ITGA4: variants seen among roughly 807,000 people sequenced by gnomAD.
ITGA4 encodes integrin alpha-4.
A neutral mutation model predicts 133.6 loss-of-function variants in ITGA4; 63 were observed. That is an observed-to-expected ratio of 0.47 (90% CI 0.38 to 0.58). The LOEUF is 0.58. ITGA4 is among the 20% of genes least tolerant of loss of function. The pLI, the probability that ITGA4 is intolerant of heterozygous loss-of-function variation, is 0.00. For synonymous variants in ITGA4, 483 were observed against 438.0 expected, an observed-to-expected ratio of 1.10 and a Z score of -1.28; for missense variants, 1,076 against 1,252.7, an observed-to-expected ratio of 0.86 and a Z score of 2.13.
At chr2:181,465,477 A>G (rs1685389473) in intron 2 of ITGA4, among the ~76,000 whole-genome samples, 1 of 152,090 alleles carries the variant, frequency 6.6e-6, no homozygotes, top group Non-Finnish European at 1.5e-5. Context: ...ATGGAACTTT[A>G]ATACTGACCA....
rs374128541 is a variant in ITGA4, at chr2:181,537,913, A to G, written c.*2386A>G. On this transcript the variant is annotated 3_prime_UTR_variant, in exon 28 of 28. Transcript: ENST00000397033. ...GCATTACTGAGTTCCTCCCCCTGTC[A>G]GATCAGCAGCAGCATTAGATTCTCA... is the stretch of plus-strand genomic sequence containing the variant. 23 of 577,076 alleles carry G rather than the reference A, an allele frequency of 4.0e-5. No homozygotes were observed. Among genetic ancestry groups the G allele is most frequent in the African/African-American group, 2.8e-4 (15 of 54,426 alleles). 35.7% of individuals were successfully genotyped at this position (577,076 alleles called of 1,614,324 possible). A position where few individuals can be genotyped will look rare whatever the true frequency, so the allele number is the denominator to read the frequency against.
At chr2:181,475,399 G>A in intron 4 of ITGA4, 111 bp downstream of exon 4, 9 of 840,158 alleles carry the variant, frequency 1.1e-5, no homozygotes, top group South Asian at 3.6e-5. Context: ...GATCTTCTAA[G>A]TAATTATGTT....
At chr2:181,489,286 AT>A (rs1371790585) in intron 10 of ITGA4, among the ~76,000 whole-genome samples, 2 of 152,220 alleles carry the variant, frequency 1.3e-5, no homozygotes, top group African/African-American at 4.8e-5. Flanking sequence ...TGGAAAAAAA[AT>A]CAGACTCTAT....
Position 181,516,716 on chromosome 2 carries a change from T to G in ITGA4, c.1922+4941T>G, listed in dbSNP as rs900491896. Among the ~76,000 whole-genome samples the G allele has an allele frequency of 2.6e-5, 4 of 152,048 alleles. No individual in the cohort carries two copies. Among genetic ancestry groups the G allele is most frequent in the South Asian group, 4.1e-4 (2 of 4,824 alleles). ...TGGAGTTGAACCTAGAGGTCTGTCT[T>G]CTGAAATATTAAGGGAATGCTGCCT... is the stretch of plus-strand genomic sequence containing the variant. On this transcript the variant is annotated intron_variant, in intron 17 of 27. Coordinates refer to ENST00000397033, the MANE Select transcript of ITGA4 (RefSeq NM_000885.6). This position sits in a 1 kb window ranked among gnomAD's most constrained non-coding sequence, Gnocchi z 4.0.
At chr2:181,499,758 G>A (rs558204107) in intron 15 of ITGA4, among the ~76,000 whole-genome samples, 1 of 152,226 alleles carries the variant, frequency 6.6e-6, no homozygotes, top group Admixed American at 6.5e-5. Context: ...TATATGGTAG[G>A]AATTAAAGAG....
At chr2:181,470,338 CGTATGGCCCAAAACAATTCTTCCA>C (rs1220176241) in intron 2 of ITGA4, among the ~76,000 whole-genome samples, 17 of 151,896 alleles carry the variant, frequency 1.1e-4, no homozygotes, top group African/African-American at 3.4e-4. Flanking sequence ...GTGTACTTTA[CGTATGGCCCAAAACAATTCTTCCA>C]GTATGGCCCA....
At chr2:181,498,802 T>A (rs770292176) in intron 15 of ITGA4, 25 bp downstream of exon 15, 5 of 1,567,254 alleles carry the variant, frequency 3.2e-6, no homozygotes. Flanking sequence ...TTTTTATTAA[T>A]GAATATGTGA....
chr2:181,493,446 A>C (rs751247672), intron 11 of ITGA4, 27 bp downstream of exon 11: 2 of 1,426,542 alleles, frequency 1.4e-6, no homozygotes, highest in South Asian at 2.4e-5. Context: ...TTTCCAAAAG[A>C]AGCATTGGTT....
At chr2:181,461,444 G>C (rs746564676) in intron 2 of ITGA4, among the ~76,000 whole-genome samples, 1 of 151,700 alleles carries the variant, frequency 6.6e-6, no homozygotes, top group Non-Finnish European at 1.5e-5. Context: ...AGACTTGCTC[G>C]TGAAGACTAT....
At chr2:181,472,597 T>C (rs543817092) in intron 2 of ITGA4, among the ~76,000 whole-genome samples, 10 of 152,368 alleles carry the variant, frequency 6.6e-5, no homozygotes, top group East Asian at 3.9e-4. Flanking sequence ...AGACTGAATC[T>C]ACCATTTGTT....
rs569293803 is a variant in ITGA4, at chr2:181,495,557, AT to A, written c.1385+148del. 6.7e-6 allele frequency: 5 copies of A among 745,230 alleles called. No homozygotes were observed. Among genetic ancestry groups the A allele is most frequent in the Admixed American group, 2.5e-5 (1 of 40,266 alleles). 46.2% of individuals were successfully genotyped at this position (745,230 alleles called of 1,614,324 possible). A position where few individuals can be genotyped will look rare whatever the true frequency, so the allele number is the denominator to read the frequency against. Reference sequence around the variant, plus strand: ...AAGCTTAATTATTGATTTTTAGGGTATTTTTTTCACCTTACAGAGATATAAT... The same window carrying A: ...AAGCTTAATTATTGATTTTTAGGGTATTTTTTCACCTTACAGAGATATAAT... On this transcript the variant is annotated intron_variant, in intron 13 of 27. Transcript: ENST00000397033. The surrounding 1 kb of genome is among the most constrained non-coding windows in gnomAD (Gnocchi z 4.3).
rs749970786 is a variant in ITGA4, at chr2:181,464,071, G to A, written c.319+5754G>A. 4.6e-5 allele frequency among the ~76,000 whole-genome samples: 7 copies of A among 152,086 alleles called. No individual in the cohort carries two copies. The South Asian group carries it at 1.0e-3, about 23-fold the overall frequency. On this transcript the variant is annotated intron_variant, in intron 2 of 27. Transcript: ENST00000397033. Reference sequence around the variant, plus strand: ...CAGTATTCATCCATGCTTGAGAACCGCTGGAGAAGAAAAGAGGCTGAAAAA... The same window carrying A: ...CAGTATTCATCCATGCTTGAGAACCACTGGAGAAGAAAAGAGGCTGAAAAA...
chr2:181,509,989 A>G (rs956343054), intron 16 of ITGA4, 182 bp downstream of exon 16: 44 of 482,950 alleles, frequency 9.1e-5, no homozygotes, highest in African/African-American at 7.5e-4. Flanking sequence ...ATTGAACTGA[A>G]TATTTTAAAA....
At chr2:181,512,285 C>A (rs772481362) in intron 17 of ITGA4, among the ~76,000 whole-genome samples, 3 of 152,134 alleles carry the variant, frequency 2.0e-5, no homozygotes, top group East Asian at 3.9e-4. Flanking sequence ...GAAGAAGATG[C>A]ATCAGTGACA....
intron 4 of ITGA4, chr2:181,475,703 C>A: frequency 7.4e-7 from 1 of 1,353,808 alleles, no homozygotes; most frequent in East Asian, 2.6e-5. Context: ...TCAGTGTAAG[C>A]AAATCTTTCA....
chr2:181,477,803 AAAT>A (rs1187590713), intron 4 of ITGA4, among the ~76,000 whole-genome samples: 1 of 152,104 alleles, frequency 6.6e-6, no homozygotes, highest in African/African-American at 2.4e-5. Context: ...CTCAAATTAA[AAAT>A]AAAACTACCA....
In ITGA4 at chr2:181,498,724, A is replaced by T; in HGVS notation, c.1642A>T (p.Ile548Leu). Residue 548 changes from isoleucine to leucine, a missense_variant, in exon 15 of 28, where the codon ATA becomes TTA. Transcript: ENST00000397033. ...AACTTCTGACGTGATTACAGGAAGC[A>T]TACAGGTGTCCAGCAGAGAAGCTAA... ...NGTSDVITGS[I>L]QVSSREANCR... The T allele has an allele frequency of 6.2e-7, 1 of 1,612,756 alleles. No individual in the cohort carries two copies. Among genetic ancestry groups the T allele is most frequent in the Non-Finnish European group, 8.5e-7 (1 of 1,179,168 alleles).
chr2:181,492,999 G>T, intron 10 of ITGA4: 2 of 203,874 alleles, frequency 9.8e-6, no homozygotes, highest in Non-Finnish European at 9.8e-6. Context: ...CACAGATTAA[G>T]AAATGGGCCC....
intron 16 of ITGA4, among the ~76,000 whole-genome samples, chr2:181,510,196 A>G (rs1433290006): frequency 6.6e-6 from 1 of 151,994 alleles, no homozygotes. Flanking sequence ...CTTTCATCCT[A>G]CTCACAGATT....
Sources: allele counts gnomAD v4.1 joint callset (sites outside exome capture counted in the v4.1 genomes callset), GRCh38; gene constraint gnomAD v4.1.1; non-coding constraint Gnocchi (gnomAD v3.1); transcripts MANE v1.5; gene names NCBI Gene and HGNC (gene_info 2026-07-23, HGNC 2026-07-21).